SLC2A5: variants seen among roughly 807,000 people sequenced by gnomAD.
SLC2A5 encodes the protein solute carrier family 2, facilitated glucose transporter member 5.
A neutral mutation model predicts 50.3 loss-of-function variants in SLC2A5; 56 were observed. That is an observed-to-expected ratio of 1.11 (90% CI 0.90 to 1.39). SLC2A5 has a LOEUF of 1.39. Ranked by LOEUF, SLC2A5 falls within the 40% of genes most tolerant of loss-of-function variation. SLC2A5 has a pLI of 0.00. For missense variants in SLC2A5, 566 were observed against 650.1 expected (o/e 0.87, Z 1.41); for synonymous variants, 269 against 281.9 (o/e 0.95, Z 0.46).
chr1:9,046,842 C>G (rs1464968801), intron 4 of SLC2A5, among the ~76,000 whole-genome samples: 1 of 152,066 alleles, frequency 6.6e-6, no homozygotes, highest in East Asian at 1.9e-4. Flanking sequence ...CAAATCTCAT[C>G]TCAAATTGTA....
At chr1:9,075,204 G>C (rs148534787) in intron 2 of SLC2A5, among the ~76,000 whole-genome samples, 1 of 152,252 alleles carries the variant, frequency 6.6e-6, no homozygotes, top group Non-Finnish European at 1.5e-5. Flanking sequence ...TTATAGGTCT[G>C]TCTGTGTTTA....
chr1:9,065,853 G>A (rs981534832), intron 1 of SLC2A5, among the ~76,000 whole-genome samples: 1 of 152,066 alleles, frequency 6.6e-6, no homozygotes, highest in Non-Finnish European at 1.5e-5. Flanking sequence ...TTAAAAACAA[G>A]GCAGGAGTAT....
chr1:9,070,353 T>C (rs144489841), upstream of SLC2A5, among the ~76,000 whole-genome samples: 942 of 152,280 alleles, frequency 6.2e-3, 11 homozygotes, highest in African/African-American at 0.022. Context: ...AGTGCTGGGA[T>C]TACAGGCGTG....
chr1:9,083,617 G>T (rs1642375072), intron 2 of SLC2A5, among the ~76,000 whole-genome samples: 1 of 151,984 alleles, frequency 6.6e-6, no homozygotes, highest in Non-Finnish European at 1.5e-5. Flanking sequence ...GAGGTCAGGA[G>T]TTCAAGACCG....
At chr1:9,090,389 C>T (rs1056502744), upstream of SLC2A5, among the ~76,000 whole-genome samples, 1 of 152,178 alleles carries the variant, frequency 6.6e-6, no homozygotes, top group African/African-American at 2.4e-5. Context: ...CCTACAATAT[C>T]CCCTCAATCC....
At chr1:9,063,600 T>C (rs762429972) in intron 1 of SLC2A5, among the ~76,000 whole-genome samples, 10 of 150,708 alleles carry the variant, frequency 6.6e-5, no homozygotes, top group Non-Finnish European at 1.3e-4. Flanking sequence ...CTCAAACTCC[T>C]GACCTCAAGT....
intron 2 of SLC2A5, chr1:9,082,769 C>T: frequency 4.7e-6 from 2 of 427,596 alleles, no homozygotes; most frequent in South Asian, 1.8e-5. Flanking sequence ...GGCAGCCCAA[C>T]CCTGACCTAA....
Position 9,068,189 on chromosome 1 carries a change from CAAAA to C in SLC2A5, c.33+1311_33+1314del, listed in dbSNP as rs755203801. Among the ~76,000 whole-genome samples the C allele has an allele frequency of 2.6e-4, 20 of 77,076 alleles. No individual in the cohort carries two copies. The East Asian group carries it at 3.8e-3, about 15-fold the overall frequency. 50.6% of individuals were successfully genotyped at this position (77,076 alleles called of 152,430 possible). ...TGGGTGACAGAGCAAGACTCTGTGT[CAAAA>C]AAAAAAAAAAAAAAAAGCGAGAGAG... On this transcript the variant is annotated intron_variant, in intron 1 of 11. Coordinates refer to ENST00000377424, the MANE Select transcript of SLC2A5 (RefSeq NM_003039.3).
In SLC2A5 at chr1:9,038,825, C is replaced by T. The variant is rs1450758946; in HGVS notation, c.1098+3G>A. On this transcript the variant is annotated splice_donor_region_variant and intron_variant, in intron 9 of 11. Transcript: ENST00000377424. ...GGCTCCTGGGACCCTGGCCTGTCCT[C>T]ACCTGCAGTGCCAGAGCTGCAGTGA... 3 of 1,603,044 alleles carry T rather than the reference C, an allele frequency of 1.9e-6. No homozygotes were observed. Among genetic ancestry groups the T allele is most frequent in the Non-Finnish European group, 2.6e-6 (3 of 1,175,580 alleles).
At chr1:9,075,433 C>T (rs1484654655) in intron 2 of SLC2A5, among the ~76,000 whole-genome samples, 1 of 152,164 alleles carries the variant, frequency 6.6e-6, no homozygotes, top group Non-Finnish European at 1.5e-5. Flanking sequence ...TGATACCGCC[C>T]GTTGCCTCCT....
chr1:9,049,076 C>T (rs1169268306), intron 3 of SLC2A5: 1 of 452,422 alleles, frequency 2.2e-6, no homozygotes, highest in African/African-American at 2.0e-5. Flanking sequence ...AAAGCCTTCC[C>T]ATTGAAGTCA....
chr1:9,059,132 CTTTCTTTTTTT>C (rs1296943217), intron 1 of SLC2A5, among the ~76,000 whole-genome samples: 173 of 80,362 alleles, frequency 2.2e-3, no homozygotes, highest in African/African-American at 8.5e-3. Flanking sequence ...AGCCGCCTTT[CTTTCTTTTTTT>C]TTTTTTTTTT....
At chr1:9,086,133 G>A (rs1016277251) in intron 1 of SLC2A5, among the ~76,000 whole-genome samples, 4 of 152,154 alleles carry the variant, frequency 2.6e-5, no homozygotes, top group Non-Finnish European at 5.9e-5. Flanking sequence ...ATGAAGAAAG[G>A]CTAACTAGCA....
chr1:9,066,097 G>A (rs1423130275), intron 1 of SLC2A5, among the ~76,000 whole-genome samples: 1 of 152,188 alleles, frequency 6.6e-6, no homozygotes, highest in Non-Finnish European at 1.5e-5. Context: ...TGAGGACCCG[G>A]AGAGCACAGA....
rs77973603 is a variant in SLC2A5, at chr1:9,050,957, G to C, written c.294-3223C>G. On this transcript the variant is annotated intron_variant, in intron 3 of 11. Transcript: ENST00000377424. The stretch of plus-strand genomic sequence containing the variant: ...AAATACATACAGCGTCAACTGGACT[G>C]ATGAAATTCCAGGGAGGAAGAGGTA... Among the ~76,000 whole-genome samples the C allele has an allele frequency of 3.8e-3, 579 of 152,290 alleles. 9 individuals carry two copies. In the East Asian group the frequency reaches 0.045, roughly 12 times the overall value.
At chr1:9,059,430 A>G (rs556534918) in intron 1 of SLC2A5, among the ~76,000 whole-genome samples, 21 of 151,596 alleles carry the variant, frequency 1.4e-4, no homozygotes, top group African/African-American at 5.1e-4. Context: ...GGCGTGAGCC[A>G]CCACGCCTGG....
upstream of SLC2A5, among the ~76,000 whole-genome samples, chr1:9,091,455 CA>C (rs1642461464): frequency 6.6e-6 from 1 of 152,170 alleles, no homozygotes; most frequent in African/African-American, 2.4e-5. Context: ...TAATTACACA[CA>C]AAAGCTCACG....
chr1:9,075,022 A>AAAAAC (rs552555631), intron 2 of SLC2A5, among the ~76,000 whole-genome samples: 11 of 147,510 alleles, frequency 7.5e-5, no homozygotes, highest in Non-Finnish European at 1.2e-4. Flanking sequence ...TCCCATCTCA[A>AAAAAC]AAAACAAAAC....
At chr1:9,070,300 C>T (rs943161899), upstream of SLC2A5, among the ~76,000 whole-genome samples, 3 of 151,920 alleles carry the variant, frequency 2.0e-5, no homozygotes, top group Non-Finnish European at 4.4e-5. Flanking sequence ...AGGCTGGTCT[C>T]GAACTCCTGA....
Sources: allele counts gnomAD v4.1 joint callset (sites outside exome capture counted in the v4.1 genomes callset), GRCh38; gene constraint gnomAD v4.1.1; transcripts MANE v1.5; gene names NCBI Gene and HGNC (gene_info 2026-07-23, HGNC 2026-07-21).